MYO18B: variants seen among roughly 807,000 people sequenced by gnomAD.
The protein encoded by MYO18B is myosin XVIIIB, also known as unconventional myosin-XVIIIb.
Under a neutral mutation model 273.0 loss-of-function variants are expected in MYO18B, and 204 were observed. That is an observed-to-expected ratio of 0.75 (90% CI 0.67 to 0.84). The LOEUF is 0.84. Among genes scored for constraint, MYO18B ranks in the 40% least tolerant of loss-of-function variants. The pLI is 0.00. For missense variants in MYO18B, 3,212 were observed against 3,287.6 expected (o/e 0.98, Z 0.56); for synonymous variants, 1,330 against 1,305.7 (o/e 1.02, Z -0.40).
intron 39 of MYO18B, among the ~76,000 whole-genome samples, chr22:25,991,772 T>C (rs4822678): frequency 0.62 from 93,934 of 151,986 alleles, 30,748 homozygotes; most frequent in African/African-American, 0.81. Context: ...GGCTGCAAAA[T>C]ACTCAACACA....
the MYO18B span, among the ~76,000 whole-genome samples, chr22:26,052,618 G>A: frequency 6.6e-6 from 1 of 152,170 alleles, no homozygotes. Flanking sequence ...GTCCACAGAT[G>A]AAAAGAACAA....
At chr22:25,784,245 C>T (rs2087283500) in intron 10 of MYO18B, among the ~76,000 whole-genome samples, 1 of 152,162 alleles carries the variant, frequency 6.6e-6, no homozygotes, top group South Asian at 2.1e-4. Flanking sequence ...AGTACCTAGC[C>T]CAGGGCTTGG....
intron 25 of MYO18B, chr22:25,884,959 A>G (rs965014518): frequency 1.3e-5 from 2 of 152,184 alleles, no homozygotes; most frequent in East Asian, 1.9e-4. Context: ...ACTATTACCA[A>G]TAAATATATT....
rs1934136614 is a variant in MYO18B at position 26,003,283 on chromosome 22, T to C, written c.6306T>C (p.Asp2102=). ...SDTESVQTAV[D]CGSSGRKEMD... Reference sequence around the variant, plus strand: ...TTACTAGTGTCCAGACGGCAGTGGATTGTGGCAGCAGCGGCCGAAAAGAGA... The same window carrying C: ...TTACTAGTGTCCAGACGGCAGTGGACTGTGGCAGCAGCGGCCGAAAAGAGA... The change falls in exon 41 of 44, where the codon GAT becomes GAC. Residue 2102 remains aspartate, a synonymous_variant. Transcript: ENST00000335473. 6.2e-7 allele frequency: 1 copy of C among 1,609,502 alleles called. No individual in the cohort carries two copies. Among genetic ancestry groups the C allele is most frequent in the Non-Finnish European group, 8.5e-7 (1 of 1,178,066 alleles).
the MYO18B span, among the ~76,000 whole-genome samples, chr22:26,051,690 A>G: frequency 6.6e-6 from 1 of 152,212 alleles, no homozygotes; most frequent in Non-Finnish European, 1.5e-5. Context: ...CCTATTCCCC[A>G]TGGGTAATCA....
chr22:26,039,143 C>T, the MYO18B span, among the ~76,000 whole-genome samples: 1 of 152,172 alleles, frequency 6.6e-6, no homozygotes, highest in African/African-American at 2.4e-5. Flanking sequence ...GCTCTGGCAG[C>T]TGATTAGATG....
At chr22:25,784,792 G>T (rs1413022004) in intron 10 of MYO18B, among the ~76,000 whole-genome samples, 3 of 152,204 alleles carry the variant, frequency 2.0e-5, no homozygotes, top group Admixed American at 6.5e-5. Flanking sequence ...CCCATCTGCT[G>T]GTCTCACTCT....
intron 8 of MYO18B, among the ~76,000 whole-genome samples, chr22:25,778,211 A>G (rs934657924): frequency 6.6e-6 from 1 of 152,170 alleles, no homozygotes; most frequent in African/African-American, 2.4e-5. Flanking sequence ...GTCTACACTC[A>G]TGAGAAGCTA....
the MYO18B span, among the ~76,000 whole-genome samples, chr22:26,057,356 G>A: frequency 6.6e-6 from 1 of 151,984 alleles, no homozygotes; most frequent in South Asian, 2.1e-4. Flanking sequence ...ATTTTATTGG[G>A]TGCTTACTAA....
chr22:26,021,007 C>G (rs1342231305), intron 42 of MYO18B, among the ~76,000 whole-genome samples: 1 of 152,082 alleles, frequency 6.6e-6, no homozygotes, highest in Non-Finnish European at 1.5e-5. Flanking sequence ...GAGAATCACT[C>G]GAACCCTGGA....
chr22:25,947,515 C>G (rs1175469045), intron 35 of MYO18B, among the ~76,000 whole-genome samples, 197 bp from the exon 36 acceptor site: 4 of 150,704 alleles, frequency 2.7e-5, no homozygotes, highest in Admixed American at 6.6e-5. Context: ...CACACACACA[C>G]ACACACACAC....
chr22:25,902,305 A>G (rs1427609356), intron 29 of MYO18B, among the ~76,000 whole-genome samples: 2 of 152,212 alleles, frequency 1.3e-5, no homozygotes, highest in Non-Finnish European at 1.5e-5. Context: ...ATTCAGGCAG[A>G]ATGACTATGG....
At chr22:25,765,289 G>A (rs778591829) in intron 3 of MYO18B, among the ~76,000 whole-genome samples, 2 of 152,158 alleles carry the variant, frequency 1.3e-5, no homozygotes, top group Admixed American at 6.5e-5. Context: ...GCTGGTTCCT[G>A]CCAATTTAAT....
intron 1 of MYO18B, among the ~76,000 whole-genome samples, chr22:25,748,167 T>G (rs1269703932): frequency 6.6e-6 from 1 of 152,174 alleles, no homozygotes; most frequent in African/African-American, 2.4e-5. Context: ...ATTCCATCAT[T>G]TCAGTTGGAA....
chr22:25,889,911 G>A (rs1005030549), intron 25 of MYO18B, among the ~76,000 whole-genome samples: 1 of 152,018 alleles, frequency 6.6e-6, no homozygotes, highest in Non-Finnish European at 1.5e-5. Flanking sequence ...CTTAAACCAC[G>A]CTCCTAATAT....
intron 12 of MYO18B, among the ~76,000 whole-genome samples, chr22:25,814,798 G>C (rs2088930386): frequency 6.6e-6 from 1 of 152,178 alleles, no homozygotes; most frequent in African/African-American, 2.4e-5. Context: ...TCTTCTGCCA[G>C]ACATGATTTA....
chr22:25,977,944 C>T (rs868641111), intron 39 of MYO18B, among the ~76,000 whole-genome samples: 43 of 152,250 alleles, frequency 2.8e-4, no homozygotes, highest in African/African-American at 9.9e-4. Context: ...GTTGCAAGCT[C>T]CTGTCTGTGT....
chr22:25,837,023 T>C (rs2089925949), intron 17 of MYO18B, among the ~76,000 whole-genome samples: 1 of 150,652 alleles, frequency 6.6e-6, no homozygotes, highest in Non-Finnish European at 1.5e-5. Context: ...GCAAATGCAC[T>C]TAGTGATCTT....
In MYO18B at chr22:25,828,842, C is replaced by T. The variant is rs769985379; in HGVS notation, c.2853C>T (p.Asn951=). The T allele has an allele frequency of 8.7e-6, 14 of 1,613,818 alleles. No individual in the cohort carries two copies. The highest frequency in any genetic ancestry group is 1.6e-4 in the Middle Eastern group (1 of 6,084). ...IMVVDSPGFQ[N]PRHQGKDRAA... is the part of the protein sequence containing the mutation. ...TGGTGGACTCTCCAGGCTTCCAGAA[C>T]CCCCGGCACCAGGGCAAGGACCGGG... Residue 951 remains asparagine (N), a synonymous_variant, in exon 15 of 44, where the codon AAC becomes AAT. Transcript: ENST00000335473.
Sources: allele counts gnomAD v4.1 joint callset (sites outside exome capture counted in the v4.1 genomes callset), GRCh38; gene constraint gnomAD v4.1.1; transcripts MANE v1.5; gene names NCBI Gene and HGNC (gene_info 2026-07-23, HGNC 2026-07-21).